The following UNC5D variants were observed in gnomAD, a reference collection of about 807,000 sequenced individuals.
UNC5D encodes netrin receptor UNC5D.
In UNC5D, 39 loss-of-function variants were observed where a neutral mutation model predicts 105.4. That is an observed-to-expected ratio of 0.37 (90% CI 0.29 to 0.48). The LOEUF (loss-of-function observed/expected upper bound fraction) is 0.48, where lower values mean the gene tolerates loss of function less well. UNC5D is among the 20% of genes least tolerant of loss of function. UNC5D has a pLI of 0.98. For missense variants in UNC5D, 991 were observed against 1,202.4 expected (o/e 0.82, Z 2.60); for synonymous variants, 452 against 450.4 (o/e 1.00, Z -0.04).
intron 1 of UNC5D, among the ~76,000 whole-genome samples, chr8:35,381,662 C>G (rs1309174245): frequency 6.6e-6 from 1 of 151,962 alleles, no homozygotes; most frequent in Non-Finnish European, 1.5e-5. Flanking sequence ...TTTTTTTTCC[C>G]TAGTCTGAAG....
rs3073013 is a variant in UNC5D at position 35,237,179 on chromosome 8, GTTTTTTTT to G, written c.103+1312_103+1319del. ...CCATTTGCATTTCATTTCCTGAAAA[GTTTTTTTT>G]TTTTTTTTTTTTTTTTTTTAATGGA... On this transcript the variant is annotated intron_variant, in intron 1 of 16. Coordinates refer to ENST00000404895, the MANE Select transcript of UNC5D (RefSeq NM_080872.4). Among the ~76,000 whole-genome samples, 543 of 61,812 alleles carry G rather than the reference GTTTTTTTT, an allele frequency of 8.8e-3. 3 individuals are homozygous for G. The highest frequency in any genetic ancestry group is 0.011 in the Non-Finnish European group (383 of 34,674). The allele number at this position is 61,812 out of a possible 152,430, so 40.6% of individuals were successfully genotyped here. A position where few individuals can be genotyped will look rare whatever the true frequency, so the allele number is the denominator to read the frequency against.
chr8:35,568,391 T>G, intron 3 of UNC5D, 150 bp downstream of exon 3: 1 of 1,255,466 alleles, frequency 8.0e-7, no homozygotes, highest in Non-Finnish European at 1.1e-6. Flanking sequence ...TTAAAATGTT[T>G]GATAATTTCT....
chr8:35,246,296 G>A (rs1340464813), intron 1 of UNC5D, among the ~76,000 whole-genome samples: 1 of 152,094 alleles, frequency 6.6e-6, no homozygotes, highest in African/African-American at 2.4e-5. Flanking sequence ...TCAGTAAAGG[G>A]ATAATACTCT....
intron 4 of UNC5D, among the ~76,000 whole-genome samples, chr8:35,670,999 GAAT>G (rs1824759443): frequency 1.4e-5 from 2 of 138,590 alleles, no homozygotes; most frequent in Non-Finnish European, 3.3e-5. Context: ...AAATAACCTA[GAAT>G]ATTATCTGAC....
At chr8:35,569,840 G>A (rs1586154760) in intron 3 of UNC5D, among the ~76,000 whole-genome samples, 1 of 152,132 alleles carries the variant, frequency 6.6e-6, no homozygotes, top group East Asian at 1.9e-4. Context: ...AAACAGCAGA[G>A]GGGATTTCAA....
intron 1 of UNC5D, among the ~76,000 whole-genome samples, chr8:35,370,903 T>C (rs1427391589): frequency 6.6e-6 from 1 of 152,224 alleles, no homozygotes; most frequent in African/African-American, 2.4e-5. Flanking sequence ...AGACATTTCA[T>C]ACAAATTTAT....
chr8:35,443,098 T>C (rs1807545764), intron 1 of UNC5D, among the ~76,000 whole-genome samples: 1 of 151,910 alleles, frequency 6.6e-6, no homozygotes, highest in South Asian at 2.1e-4. Context: ...CATATTCACA[T>C]ATTTTCTTTA....
intron 1 of UNC5D, among the ~76,000 whole-genome samples, chr8:35,372,974 G>A (rs1265993495): frequency 6.6e-6 from 1 of 152,166 alleles, no homozygotes; most frequent in Non-Finnish European, 1.5e-5. Flanking sequence ...TTCAATGAGT[G>A]CCAAACTCTG....
intron 1 of UNC5D, among the ~76,000 whole-genome samples, chr8:35,459,468 T>G (rs1028700588): frequency 3.9e-5 from 6 of 152,214 alleles, no homozygotes. Context: ...CTGGAATTGG[T>G]GTTGAATCCA....
intron 1 of UNC5D, among the ~76,000 whole-genome samples, chr8:35,448,093 A>T (rs1807915623): frequency 1.3e-5 from 2 of 152,076 alleles, no homozygotes; most frequent in Non-Finnish European, 2.9e-5. Flanking sequence ...TTTTGTCACC[A>T]ATTTGAAATT....
intron 11 of UNC5D, among the ~76,000 whole-genome samples, chr8:35,735,008 C>G (rs1219788935): frequency 6.6e-6 from 1 of 152,014 alleles, no homozygotes; most frequent in African/African-American, 2.4e-5. Context: ...AAACTCCTGA[C>G]CTCGGGTTAT....
chr8:35,299,449 G>A (rs569829949), intron 1 of UNC5D, among the ~76,000 whole-genome samples: 7 of 152,270 alleles, frequency 4.6e-5, no homozygotes, highest in African/African-American at 1.7e-4. Flanking sequence ...TCAGACTGCT[G>A]GGTCTATTCT....
At chr8:35,461,843 GC>G (rs1247807836) in intron 1 of UNC5D, among the ~76,000 whole-genome samples, 1 of 152,140 alleles carries the variant, frequency 6.6e-6, no homozygotes, top group East Asian at 1.9e-4. Context: ...AGACCTGGTT[GC>G]CATATATAAA....
At chr8:35,436,389 C>A (rs529120510) in intron 1 of UNC5D, among the ~76,000 whole-genome samples, 1 of 151,974 alleles carries the variant, frequency 6.6e-6, no homozygotes. Flanking sequence ...TATTACACTT[C>A]GGATAGGATT....
chr8:35,497,438 G>T (rs567862020), intron 1 of UNC5D, among the ~76,000 whole-genome samples: 15 of 152,158 alleles, frequency 9.9e-5, no homozygotes, highest in African/African-American at 2.7e-4. Context: ...AGCATGTCAC[G>T]AACCCCATCA....
intron 1 of UNC5D, among the ~76,000 whole-genome samples, chr8:35,490,919 T>G (rs1325360627): frequency 6.6e-6 from 1 of 152,172 alleles, no homozygotes; most frequent in Non-Finnish European, 1.5e-5. Flanking sequence ...CTTTTCTTTT[T>G]TTCATTTTCA....
chr8:35,670,623 C>G (rs576468775), intron 4 of UNC5D, among the ~76,000 whole-genome samples: 51 of 152,238 alleles, frequency 3.4e-4, no homozygotes, highest in African/African-American at 1.1e-3. Flanking sequence ...AAACCAAACA[C>G]TGCATGTTCT....
Position 35,235,519 on chromosome 8 carries a change from C to T in UNC5D, c.-266C>T, listed in dbSNP as rs1329867229. ...AGCGGCGCGAGGGCTGGGAACTGCG[C>T]GGCGGGGACTGCGGGCGACTCCGGC... On this transcript the variant is annotated 5_prime_UTR_variant, in exon 1 of 17. Coordinates refer to ENST00000404895, the MANE Select transcript of UNC5D (RefSeq NM_080872.4). The T allele has an allele frequency of 1.8e-5, 6 of 328,728 alleles. No homozygotes were observed. In the East Asian group the frequency reaches 2.3e-4, roughly 13 times the overall value. The allele number at this position is 328,728 out of a possible 1,614,324, so 20.4% of individuals were successfully genotyped here.
chr8:35,367,847 C>T (rs990223819), intron 1 of UNC5D, among the ~76,000 whole-genome samples: 6 of 152,094 alleles, frequency 3.9e-5, no homozygotes, highest in Non-Finnish European at 8.8e-5. Context: ...TGGTGTGGGA[C>T]AGAACAAAGA....
Sources: gnomAD v4.1 joint callset for allele counts (sites outside exome capture counted in the v4.1 genomes callset) on GRCh38, gnomAD v4.1.1 for gene constraint, MANE v1.5 for transcripts, NCBI Gene and HGNC (gene_info 2026-07-23, HGNC 2026-07-21) for gene names.